Variants in EFCAB8 observed in about 807,000 individuals in gnomAD.
The protein encoded by EFCAB8 is EF-hand calcium-binding domain-containing protein 8.
EFCAB8 carries 100 observed loss-of-function variants against 116.3 expected under a neutral mutation model. The ratio of observed to expected loss-of-function variants is 0.86; its 90% CI spans 0.73 to 1.02. EFCAB8 has a LOEUF of 1.02. Ranked by LOEUF, EFCAB8 falls within the 50% of genes least tolerant of loss-of-function variation. The pLI, the probability that EFCAB8 is intolerant of heterozygous loss-of-function variation, is 0.00. For synonymous variants in EFCAB8, 558 were observed against 567.9 expected (o/e 0.98, Z 0.25); for missense variants, 1,320 against 1,416.9 (o/e 0.93, Z 1.10).
chr20:32,928,299 G>C (rs925136920), intron 20 of EFCAB8, among the ~76,000 whole-genome samples: 2 of 151,424 alleles, frequency 1.3e-5, no homozygotes, highest in Admixed American at 6.6e-5. Context: ...ACAATGGCAC[G>C]ATCTCGGCTC....
At position 32,877,888 on chromosome 20, in the gene EFCAB8, C is replaced by G. The variant is rs145282025; in HGVS notation, c.328-816C>G. 5.4e-4 allele frequency among the ~76,000 whole-genome samples: 82 copies of G among 152,258 alleles called. No homozygotes were observed. In the East Asian group the frequency reaches 0.016, roughly 29 times the overall value. On this transcript the variant is annotated intron_variant, in intron 4 of 26. Coordinates refer to ENST00000400522, the MANE Select transcript of EFCAB8 (RefSeq NM_001143967.2). ...GGGTGATGCCAGTTGTGGGGGTGAT[C>G]TGAGGATGCACTTAGCGCCTCAGGA... is the stretch of plus-strand genomic sequence containing the variant.
chr20:32,944,463 T>TA (rs934729816), intron 23 of EFCAB8, among the ~76,000 whole-genome samples: 26 of 149,444 alleles, frequency 1.7e-4, no homozygotes, highest in African/African-American at 3.4e-4. Context: ...AGACTCTGTC[T>TA]AAAAAAAAAA....
intron 18 of EFCAB8, 144 bp downstream of exon 18, chr20:32,917,649 G>T (rs1166901945): frequency 1.1e-6 from 1 of 878,180 alleles, no homozygotes; most frequent in East Asian, 2.6e-5. Context: ...GCTTGGTTAG[G>T]TAGGTGGTAG....
Position 32,911,692 on chromosome 20 carries a change from T to C in EFCAB8, c.1770T>C (p.Ser590=), listed in dbSNP as rs1442894739. Residue 590 remains serine, a synonymous_variant, in exon 16 of 27, where the codon AGT becomes AGC. Transcript: ENST00000400522. The part of the protein sequence containing the change: ...NIGKCLLTFP[S]PEQLEISGII... The stretch of plus-strand genomic sequence containing the variant: ...GCAAATGCCTGTTGACCTTTCCCAG[T>C]CCGGAACAGCTGGAGGTCAGTCTTG... 5.8e-6 allele frequency: 9 copies of C among 1,551,692 alleles called. No individual in the cohort carries two copies. Among genetic ancestry groups the C allele is most frequent in the Non-Finnish European group, 7.0e-6 (8 of 1,146,992 alleles).
rs551949598 is a variant in EFCAB8 at position 32,867,322 on chromosome 20, G to C, written c.43-260G>C. On this transcript the variant is annotated intron_variant, in intron 2 of 26. Coordinates refer to ENST00000400522, the MANE Select transcript of EFCAB8 (RefSeq NM_001143967.2). The stretch of plus-strand genomic sequence containing the variant: ...CCCCATTATGAGTAAGGTAGGACTT[G>C]GCTGTATCCTCCCTGAGCCTCAGCT... 7.9e-5 allele frequency among the ~76,000 whole-genome samples: 12 copies of C among 152,298 alleles called. No homozygotes were observed. The South Asian group carries it at 2.5e-3, about 32-fold the overall frequency.
intron 3 of EFCAB8, among the ~76,000 whole-genome samples, chr20:32,870,860 T>G (rs1210407857): frequency 1.9e-4 from 10 of 53,970 alleles, no homozygotes; most frequent in Non-Finnish European, 7.0e-4. Flanking sequence ...CTTCTTCTTC[T>G]TTTTTTTTTT....
chr20:32,924,376 T>C (rs982237071), intron 20 of EFCAB8, among the ~76,000 whole-genome samples: 12 of 152,222 alleles, frequency 7.9e-5, no homozygotes, highest in Admixed American at 7.9e-4. Context: ...ATGTGTTGTT[T>C]TTATTTTGTC....
intron 7 of EFCAB8, among the ~76,000 whole-genome samples, chr20:32,891,827 G>GT (rs35814833): frequency 0.04 from 5,805 of 145,516 alleles, 129 homozygotes; most frequent in Non-Finnish European, 0.053. Flanking sequence ...GAAGGAGTCA[G>GT]TTTTTTTTTT....
At chr20:32,956,985 A>T (rs1442677414) in intron 23 of EFCAB8, among the ~76,000 whole-genome samples, 51 of 132,648 alleles carry the variant, frequency 3.8e-4, no homozygotes, top group Admixed American at 8.3e-4. Context: ...TGAATTCCAG[A>T]TTATTTTTTT....
chr20:32,872,098 T>G (rs1231282684), intron 3 of EFCAB8, among the ~76,000 whole-genome samples: 1 of 152,192 alleles, frequency 6.6e-6, no homozygotes, highest in East Asian at 1.9e-4. Flanking sequence ...GGCTTTCCAT[T>G]TATTCCTTGA....
At position 32,926,432 on chromosome 20, in the gene EFCAB8, CT is replaced by C. The variant is rs781520881; in HGVS notation, c.2413-3952del. On this transcript the variant is annotated intron_variant, in intron 20 of 26. Coordinates refer to ENST00000400522, the MANE Select transcript of EFCAB8 (RefSeq NM_001143967.2). Reference sequence around the variant, plus strand: ...AAACTATTGTTTATTTAGCTGTTTGCTTTTTTTTTTTTTTCAAACCTTGCAA... The same window carrying C: ...AAACTATTGTTTATTTAGCTGTTTGCTTTTTTTTTTTTTCAAACCTTGCAA... 7.3e-3 allele frequency among the ~76,000 whole-genome samples: 727 copies of C among 99,706 alleles called. 1 individual carries two copies. Among genetic ancestry groups the C allele is most frequent in the African/African-American group, 0.018 (474 of 26,906 alleles). The allele number at this position is 99,706 out of a possible 152,430, so 65.4% of individuals were successfully genotyped here.
chr20:32,863,939 G>C, intron 2 of EFCAB8, 105 bp downstream of exon 2: 3 of 1,301,478 alleles, frequency 2.3e-6, no homozygotes, highest in Non-Finnish European at 2.1e-6. Context: ...ATCGGGGAGG[G>C]GGTTGCATAC....
chr20:32,878,552 C>G (rs1985122456), intron 4 of EFCAB8, among the ~76,000 whole-genome samples, 152 bp from the exon 5 acceptor site: 1 of 149,844 alleles, frequency 6.7e-6, no homozygotes, highest in Non-Finnish European at 1.5e-5. Flanking sequence ...GCTCTGTCGC[C>G]CAGGTCGGAC....
chr20:32,939,206 C>G (rs1003920212), intron 22 of EFCAB8, among the ~76,000 whole-genome samples: 2 of 77,976 alleles, frequency 2.6e-5, no homozygotes, highest in Non-Finnish European at 5.4e-5. Context: ...TTTCTTTCCT[C>G]TCTCTCTCTC....
At chr20:32,904,630 G>A (rs1416931841) in intron 11 of EFCAB8, among the ~76,000 whole-genome samples, 3 of 143,684 alleles carry the variant, frequency 2.1e-5, no homozygotes, top group Admixed American at 7.0e-5. Flanking sequence ...TTTTTAAGGC[G>A]GTGGCGGGGT....
chr20:32,911,797 C>A, intron 16 of EFCAB8, 90 bp downstream of exon 16: 1 of 1,304,862 alleles, frequency 7.7e-7, no homozygotes, highest in Non-Finnish European at 1.1e-6. Flanking sequence ...ATTTTTTGTA[C>A]CTCTCTGAAA....
intron 2 of EFCAB8, among the ~76,000 whole-genome samples, chr20:32,864,341 T>C (rs987532985): frequency 6.6e-6 from 1 of 151,718 alleles, no homozygotes; most frequent in African/African-American, 2.4e-5. Context: ...CCCAGCACTT[T>C]GTGAGGTGAA....
Position 32,961,481 on chromosome 20 carries a change from G to C in EFCAB8, c.3739G>C (p.Val1247Leu). The change falls in exon 27 of 27, where the codon GTG (valine) becomes CTG (leucine). Residue 1247 changes from valine to leucine, a missense_variant. Coordinates refer to ENST00000400522, the MANE Select transcript of EFCAB8 (RefSeq NM_001143967.2). ...TTCCACCCCCTCGGTCCCATCCCCGGTGTCCAAGTCCACCCTGCAGGGGTC... is the reference window on the plus strand; with the variant it reads ...TTCCACCCCCTCGGTCCCATCCCCGCTGTCCAAGTCCACCCTGCAGGGGTC... ...AHSTPSVPSP[V>L]SKSTLQGSVT... 6.9e-7 allele frequency: 1 copy of C among 1,448,730 alleles called. No homozygotes were observed. Among genetic ancestry groups the C allele is most frequent in the African/African-American group, 1.4e-5 (1 of 69,728 alleles). 89.7% of individuals were successfully genotyped at this position (1,448,730 alleles called of 1,614,324 possible). A position where few individuals can be genotyped will look rare whatever the true frequency, so the allele number is the denominator to read the frequency against.
At chr20:32,950,986 A>G (rs549884921) in intron 23 of EFCAB8, among the ~76,000 whole-genome samples, 2 of 152,332 alleles carry the variant, frequency 1.3e-5, no homozygotes, top group South Asian at 4.2e-4. Flanking sequence ...AGCATGGAAA[A>G]CAATGCGCAA....
Sources: gnomAD v4.1 joint callset for allele counts (sites outside exome capture counted in the v4.1 genomes callset) on GRCh38, gnomAD v4.1.1 for gene constraint, MANE v1.5 for transcripts, NCBI Gene and HGNC (gene_info 2026-07-23, HGNC 2026-07-21) for gene names.